The following TRPM3 variants were observed in gnomAD, a reference collection of about 807,000 sequenced individuals.
The protein encoded by TRPM3 is transient receptor potential cation channel subfamily M member 3.
A neutral mutation model predicts 181.2 loss-of-function variants in TRPM3; 77 were observed. The observed-to-expected ratio is 0.42, with a 90% CI of 0.35 to 0.51. The LOEUF is 0.51. TRPM3 is among the 20% of genes least tolerant of loss of function. The probability of loss-of-function intolerance (pLI) is 0.01; values close to 1 mark genes in which losing one functional copy is unlikely to be tolerated. For missense variants in TRPM3, 1,759 were observed against 2,196.7 expected (o/e 0.80, Z 3.98); for synonymous variants, 745 against 796.4 (o/e 0.94, Z 1.09).
chr9:70,952,989 A>C (rs1277341891), intron 1 of TRPM3, among the ~76,000 whole-genome samples: 1 of 152,224 alleles, frequency 6.6e-6, no homozygotes, highest in Non-Finnish European at 1.5e-5. Flanking sequence ...CAAATAACAT[A>C]GAAATGGCCT....
At chr9:70,974,583 G>T (rs1267986058) in intron 1 of TRPM3, among the ~76,000 whole-genome samples, 1 of 151,540 alleles carries the variant, frequency 6.6e-6, no homozygotes, top group East Asian at 2.0e-4. Context: ...CAAAAAATTA[G>T]CTGGGCGTGG....
chr9:71,262,023 T>C (rs140474148), intron 1 of TRPM3, among the ~76,000 whole-genome samples: 3,331 of 152,238 alleles, frequency 0.022, 51 homozygotes, highest in South Asian at 0.039. Context: ...TTAGCAGAGC[T>C]CAAGCACTGT....
chr9:70,656,972 A>G (rs1417029432), intron 9 of TRPM3, among the ~76,000 whole-genome samples: 2 of 151,880 alleles, frequency 1.3e-5, no homozygotes, highest in Non-Finnish European at 2.9e-5. Context: ...ATTTTATGTA[A>G]GAAAGAATCT....
intron 1 of TRPM3, among the ~76,000 whole-genome samples, chr9:71,204,558 AAAC>A (rs1196957248): frequency 1.3e-5 from 2 of 152,160 alleles, no homozygotes; most frequent in African/African-American, 4.8e-5. Flanking sequence ...AAAAGTCAGG[AAAC>A]AACAGGTGCT....
At chr9:71,406,521 C>T (rs2093438054) in intron 1 of TRPM3, among the ~76,000 whole-genome samples, 1 of 152,102 alleles carries the variant, frequency 6.6e-6, no homozygotes, top group Non-Finnish European at 1.5e-5. Context: ...GAGAAAAACA[C>T]ACCCCATCCA....
At chr9:71,375,535 A>T (rs925503810) in intron 1 of TRPM3, among the ~76,000 whole-genome samples, 2 of 152,262 alleles carry the variant, frequency 1.3e-5, no homozygotes, top group Non-Finnish European at 2.9e-5. Context: ...GAATCTAATT[A>T]AACGAAAGAG....
At chr9:71,169,441 T>C (rs2076728090) in intron 1 of TRPM3, among the ~76,000 whole-genome samples, 1 of 152,132 alleles carries the variant, frequency 6.6e-6, no homozygotes, top group Non-Finnish European at 1.5e-5. Context: ...ACAAATTATG[T>C]GCAGAATGTG....
chr9:70,668,737 G>A (rs1590044221), intron 9 of TRPM3, among the ~76,000 whole-genome samples: 1 of 145,008 alleles, frequency 6.9e-6, no homozygotes, highest in African/African-American at 2.5e-5. Flanking sequence ...ATTGTTGTAT[G>A]TTAGATTTAC....
At chr9:71,043,938 C>T (rs1002487066) in intron 1 of TRPM3, among the ~76,000 whole-genome samples, 105 of 152,242 alleles carry the variant, frequency 6.9e-4, no homozygotes, top group African/African-American at 2.5e-3. Context: ...TGCATCATGT[C>T]GCATCACTCC....
chr9:70,616,281 C>A (rs1564569479), intron 17 of TRPM3, among the ~76,000 whole-genome samples: 1 of 151,962 alleles, frequency 6.6e-6, no homozygotes, highest in Non-Finnish European at 1.5e-5. Flanking sequence ...CTAAGAGGAT[C>A]ATTTTGTCCC....
intron 1 of TRPM3, among the ~76,000 whole-genome samples, chr9:70,962,172 T>A (rs1387092689): frequency 6.6e-6 from 1 of 152,074 alleles, no homozygotes; most frequent in Non-Finnish European, 1.5e-5. Flanking sequence ...ATTGAGGCAT[T>A]TATGTGGCCT....
chr9:70,893,857 G>A (rs191188315), intron 1 of TRPM3, among the ~76,000 whole-genome samples: 1 of 152,088 alleles, frequency 6.6e-6, no homozygotes, highest in South Asian at 2.1e-4. Context: ...AGACACAAAA[G>A]AAGTCTTATG....
At chr9:70,564,873 C>T (rs929062848) in intron 22 of TRPM3, among the ~76,000 whole-genome samples, 1 of 152,176 alleles carries the variant, frequency 6.6e-6, no homozygotes, top group East Asian at 1.9e-4. Context: ...ACATTATTTA[C>T]AAATCCCCTG....
intron 7 of TRPM3, among the ~76,000 whole-genome samples, chr9:70,783,112 T>C (rs1453227460): frequency 1.3e-5 from 2 of 152,234 alleles, no homozygotes; most frequent in Admixed American, 6.5e-5. Context: ...ACTTGTCTAC[T>C]TACTAGACTT....
chr9:70,598,534 C>G lies in TRPM3; in HGVS notation c.2933G>C (p.Arg978Thr), dbSNP rs1322227811. The G allele has an allele frequency of 6.2e-7, 1 of 1,614,238 alleles. No individual in the cohort carries two copies. Among genetic ancestry groups the G allele is most frequent in the African/African-American group, 1.3e-5 (1 of 75,050 alleles). The change falls in exon 21 of 26, where the codon AGG (arginine) becomes ACG (threonine). Residue 978 changes from arginine (R) to threonine (T), a missense_variant. By Grantham distance (71) the Arg-to-Thr change is moderately conservative. Transcript: ENST00000677713. The part of the protein sequence containing the change: ...MILRLQDQPF[R>T]SDGRVIYCVN... ...GCAGTAGATGACCCTCCCGTCACTC[C>G]TGAAGGGCTGGTCTTGGAGACGAAG...
chr9:71,124,631 G>A (rs896785379), upstream of TRPM3, among the ~76,000 whole-genome samples: 1 of 152,144 alleles, frequency 6.6e-6, no homozygotes, highest in South Asian at 2.1e-4. Flanking sequence ...GAATCATGAT[G>A]AAATTTGAGC....
chr9:71,240,908 C>T (rs1250156218), intron 1 of TRPM3, among the ~76,000 whole-genome samples: 2 of 152,036 alleles, frequency 1.3e-5, no homozygotes, highest in African/African-American at 4.8e-5. Flanking sequence ...TTGTAGGATA[C>T]CAAATTTTTT....
intron 1 of TRPM3, among the ~76,000 whole-genome samples, chr9:71,024,373 GAGA>G (rs561312610): frequency 1.6e-3 from 240 of 152,288 alleles, no homozygotes; most frequent in Non-Finnish European, 2.7e-3. Context: ...AAGTAGATCA[GAGA>G]AGGAGAAGTA....
intron 7 of TRPM3, chr9:70,776,208 T>C: frequency 2.5e-6 from 1 of 395,998 alleles, no homozygotes; most frequent in Non-Finnish European, 4.4e-6. Context: ...CTACCTGAGA[T>C]TTCACTTGAG....
Sources: gnomAD v4.1 joint callset for allele counts (sites outside exome capture counted in the v4.1 genomes callset) on GRCh38, gnomAD v4.1.1 for gene constraint, MANE v1.5 for transcripts, NCBI Gene and HGNC (gene_info 2026-07-23, HGNC 2026-07-21) for gene names.